Variants in RALYL observed in about 807,000 individuals in gnomAD.
RALYL encodes the protein RALY RNA binding protein like.
Under a neutral mutation model 35.1 loss-of-function variants are expected in RALYL, and 29 were observed. The ratio of observed to expected loss-of-function variants is 0.83; its 90% CI spans 0.61 to 1.13. The LOEUF (loss-of-function observed/expected upper bound fraction) is 1.13. Ranked by LOEUF, RALYL falls within the 50% of genes most tolerant of loss-of-function variation. The pLI is 0.00. For synonymous variants in RALYL, 120 were observed against 127.6 expected (o/e 0.94, Z 0.40); for missense variants, 359 against 360.4 (o/e 1.00, Z 0.03).
intron 1 of RALYL, among the ~76,000 whole-genome samples, chr8:84,246,798 A>G (rs1340186039): frequency 6.6e-6 from 1 of 152,136 alleles, no homozygotes; most frequent in Non-Finnish European, 1.5e-5. Flanking sequence ...GAGGAGAGAC[A>G]TGGGTGGATG....
chr8:84,542,401 A>ATT (rs1356076953), intron 2 of RALYL, among the ~76,000 whole-genome samples: 1 of 152,106 alleles, frequency 6.6e-6, no homozygotes, highest in East Asian at 1.9e-4. Context: ...AAATAACCAC[A>ATT]ATATTATTAT....
intron 1 of RALYL, among the ~76,000 whole-genome samples, chr8:84,525,190 A>C (rs1490851573): frequency 6.6e-6 from 1 of 151,988 alleles, no homozygotes; most frequent in African/African-American, 2.4e-5. Flanking sequence ...CAACAGCAAC[A>C]GTAGTTTACA....
At position 84,695,689 on chromosome 8, in the gene RALYL, A is replaced by T. The variant is rs10958226; in HGVS notation, c.257-78890A>T. ...AGGTATAGAATTCTATTTACTAATT[A>T]TTGTGTTCTTAATCTGAGTAATGAG... On this transcript the variant is annotated intron_variant, in intron 2 of 8. Transcript: ENST00000521268. 0.017 allele frequency among the ~76,000 whole-genome samples: 2,657 copies of T among 151,922 alleles called. 293 individuals carry two copies. In the East Asian group the frequency reaches 0.33, roughly 19 times the overall value.
At chr8:84,358,727 A>T (rs183498971) in intron 1 of RALYL, among the ~76,000 whole-genome samples, 2 of 152,176 alleles carry the variant, frequency 1.3e-5, no homozygotes, top group Non-Finnish European at 2.9e-5. Flanking sequence ...TTAATGAGGA[A>T]TTGAAAATTG....
At position 84,825,480 on chromosome 8, in the gene RALYL, G is replaced by A. The variant is rs550855989; in HGVS notation, c.365+20678G>A. ...TAAAATATAACGACTATTCAACCCA[G>A]CAATCCCATTACGGGGTATATATCC... On this transcript the variant is annotated intron_variant, in intron 4 of 8. Coordinates refer to ENST00000521268, the MANE Select transcript of RALYL (RefSeq NM_173848.7). 7.9e-5 allele frequency among the ~76,000 whole-genome samples: 12 copies of A among 152,250 alleles called. No homozygotes were observed. The South Asian group carries it at 2.5e-3, about 32-fold the overall frequency.
intron 2 of RALYL, among the ~76,000 whole-genome samples, chr8:84,727,872 A>G (rs1008715167): frequency 5.3e-5 from 8 of 152,096 alleles, no homozygotes; most frequent in African/African-American, 1.9e-4. Context: ...CCAGTCTATC[A>G]TTGTTGGACA....
chr8:84,840,092 C>T (rs1034213484), intron 4 of RALYL, among the ~76,000 whole-genome samples: 4 of 152,144 alleles, frequency 2.6e-5, no homozygotes, highest in East Asian at 3.8e-4. Flanking sequence ...CAGCTCCTCA[C>T]CAGCAACGGA....
At chr8:84,540,899 C>CA (rs372169823) in intron 2 of RALYL, among the ~76,000 whole-genome samples, 8 of 150,288 alleles carry the variant, frequency 5.3e-5, no homozygotes, top group African/African-American at 1.7e-4. Context: ...AATGAGTTTT[C>CA]AAAAAAAAGT....
intron 4 of RALYL, among the ~76,000 whole-genome samples, chr8:84,848,518 A>G (rs1046577817): frequency 6.6e-6 from 1 of 151,976 alleles, no homozygotes. Flanking sequence ...GATACATACT[A>G]CATGGATAAA....
intron 2 of RALYL, among the ~76,000 whole-genome samples, chr8:84,632,583 CTGTGTGTGTG>C (rs112708469): frequency 2.8e-5 from 4 of 145,084 alleles, no homozygotes; most frequent in African/African-American, 7.6e-5. Context: ...TTATATAGAC[CTGTGTGTGTG>C]TGTGTGTGTG....
intron 2 of RALYL, among the ~76,000 whole-genome samples, chr8:84,695,915 T>G (rs1839037604): frequency 6.6e-6 from 1 of 151,820 alleles, no homozygotes; most frequent in Non-Finnish European, 1.5e-5. Flanking sequence ...TAAACACTCC[T>G]AATACAGCAC....
chr8:84,666,517 T>C (rs1832084662), intron 2 of RALYL, among the ~76,000 whole-genome samples: 3 of 152,024 alleles, frequency 2.0e-5, no homozygotes, highest in Admixed American at 6.6e-5. Flanking sequence ...TACAGAGCAA[T>C]TTATCCTGGC....
intron 4 of RALYL, among the ~76,000 whole-genome samples, chr8:84,821,342 A>G (rs942438830): frequency 1.3e-5 from 2 of 152,212 alleles, no homozygotes; most frequent in African/African-American, 2.4e-5. Context: ...AAATAAACAC[A>G]GAATATTGGT....
At chr8:84,843,621 A>C (rs1337929290) in intron 4 of RALYL, among the ~76,000 whole-genome samples, 1 of 152,210 alleles carries the variant, frequency 6.6e-6, no homozygotes, top group East Asian at 1.9e-4. Context: ...ACACTACTTT[A>C]AAGTTCATAT....
chr8:84,799,673 AG>A (rs1822745228), intron 3 of RALYL, among the ~76,000 whole-genome samples: 2 of 152,214 alleles, frequency 1.3e-5, no homozygotes. Context: ...TAAGCGAGGA[AG>A]GGCCGGGTGC....
At chr8:84,901,599 G>T (rs1290247934) in intron 8 of RALYL, among the ~76,000 whole-genome samples, 1 of 152,092 alleles carries the variant, frequency 6.6e-6, no homozygotes, top group African/African-American at 2.4e-5. Flanking sequence ...TCTTTTATGA[G>T]AGGAGTAAAC....
rs79032326 is a variant in RALYL at position 84,215,694 on chromosome 8, A to T, written c.-24+31270A>T. 6.2e-3 allele frequency among the ~76,000 whole-genome samples: 946 copies of T among 152,242 alleles called. 14 individuals are homozygous for T. The highest frequency in any genetic ancestry group is 0.021 in the African/African-American group (861 of 41,550). On this transcript the variant is annotated intron_variant, in intron 1 of 8. Coordinates refer to ENST00000521268, the MANE Select transcript of RALYL (RefSeq NM_173848.7). ...TTAATCTTAAATTCATAAGCCAGTC[A>T]ATACTTTATTTTCTAATTCGGAGGT...
intron 1 of RALYL, among the ~76,000 whole-genome samples, chr8:84,269,925 T>A (rs1370129655): frequency 6.6e-6 from 1 of 152,130 alleles, no homozygotes; most frequent in Non-Finnish European, 1.5e-5. Flanking sequence ...ATCTTTAACA[T>A]TTCCAAAATT....
chr8:84,214,084 A>G (rs899223954), intron 1 of RALYL, among the ~76,000 whole-genome samples: 1 of 152,130 alleles, frequency 6.6e-6, no homozygotes, highest in Non-Finnish European at 1.5e-5. Context: ...ATTGTTATCA[A>G]TTGCCACAAC....
Sources: allele counts gnomAD v4.1 joint callset (sites outside exome capture counted in the v4.1 genomes callset), GRCh38; gene constraint gnomAD v4.1.1; transcripts MANE v1.5; gene names NCBI Gene and HGNC (gene_info 2026-07-23, HGNC 2026-07-21).